SYNE3: variants seen among roughly 807,000 people sequenced by gnomAD.
The protein encoded by SYNE3 is spectrin repeat containing nuclear envelope family member 3.
Under a neutral mutation model 111.2 loss-of-function variants are expected in SYNE3, and 100 were observed. The observed-to-expected ratio is 0.90, with a 90% CI of 0.77 to 1.06. The LOEUF (loss-of-function observed/expected upper bound fraction) is 1.06, where lower values mean the gene tolerates loss of function less well. Among genes scored for constraint, SYNE3 ranks in the 50% least tolerant of loss-of-function variants. The pLI is 0.00. For synonymous variants in SYNE3, 547 were observed against 533.9 expected, an observed-to-expected ratio of 1.02 and a Z score of -0.34; for missense variants, 1,160 against 1,240.3, an observed-to-expected ratio of 0.94 and a Z score of 0.97.
intron 17 of SYNE3, among the ~76,000 whole-genome samples, chr14:95,429,516 C>A (rs1046524869): frequency 2.0e-5 from 3 of 152,148 alleles, no homozygotes; most frequent in Non-Finnish European, 4.4e-5. Context: ...TGGGGTCCAG[C>A]AATCTATGTT....
chr14:95,436,754 C>T (rs774046477), intron 15 of SYNE3, 66 bp downstream of exon 15: 110 of 1,568,526 alleles, frequency 7.0e-5, no homozygotes, highest in Non-Finnish European at 9.3e-5. Flanking sequence ...TTGAAGAACT[C>T]CCTGGTGGCA....
chr14:95,475,969 C>G (rs1428748439), intron 1 of SYNE3, 134 bp from the exon 2 acceptor site: 6 of 857,294 alleles, frequency 7.0e-6, no homozygotes, highest in Non-Finnish European at 9.5e-6. Context: ...GGCAATATGG[C>G]CAGAGGTGAG....
intron 9 of SYNE3, 95 bp from the exon 10 acceptor site, chr14:95,444,723 C>T (rs8007261): frequency 0.092 from 132,247 of 1,435,556 alleles, 6,515 homozygotes; most frequent in Middle Eastern, 0.15. Context: ...CTCTTCGTCT[C>T]GGCCAGCTCA....
chr14:95,481,668 G>C (rs76765687), intron 1 of SYNE3, among the ~76,000 whole-genome samples: 14,007 of 152,266 alleles, frequency 0.092, 1,280 homozygotes, highest in African/African-American at 0.2. Flanking sequence ...CAGGGGGTCA[G>C]CTCTCCTGTG....
Position 95,414,284 on chromosome 14 carries a change from T to A in SYNE3, c.*3542A>T, listed in dbSNP as rs1312270947. The A allele has an allele frequency of 6.6e-6, 1 of 152,142 alleles. No homozygotes were observed. The highest frequency in any genetic ancestry group is 1.5e-5 in the Non-Finnish European group (1 of 68,042). The allele number at this position is 152,142 out of a possible 1,614,324, so 9.4% of individuals were successfully genotyped here. On this transcript the variant is annotated 3_prime_UTR_variant, in exon 18 of 18. Coordinates refer to ENST00000682763, the MANE Select transcript of SYNE3 (RefSeq NM_152592.6). Reference sequence around the variant, plus strand: ...TATATCTTTAAGCCTCAGGGTTCCATCTCAAACATGGGGGTAAAACAGTAT... The same window carrying A: ...TATATCTTTAAGCCTCAGGGTTCCAACTCAAACATGGGGGTAAAACAGTAT...
rs1376158430 is a variant in SYNE3 at position 95,412,625 on chromosome 14, C to T, written c.*5201G>A. On this transcript the variant is annotated 3_prime_UTR_variant, in exon 18 of 18. Coordinates refer to ENST00000682763, the MANE Select transcript of SYNE3 (RefSeq NM_152592.6). ...GGTTTTATTTTTTTAGAGGCCACAG[C>T]TGGCAGGCTCCTGGCCTCCCCTGAA... 2 of 152,212 alleles carry T rather than the reference C, an allele frequency of 1.3e-5. No individual in the cohort carries two copies. Among genetic ancestry groups the T allele is most frequent in the East Asian group, 3.9e-4 (2 of 5,190 alleles). The allele number at this position is 152,212 out of a possible 1,614,324, so 9.4% of individuals were successfully genotyped here.
rs1206558750 is a variant in SYNE3, at chr14:95,425,642, G to C, written c.2727+6437C>G. Among the ~76,000 whole-genome samples the C allele has an allele frequency of 4.6e-5, 7 of 152,166 alleles. No individual in the cohort carries two copies. In the East Asian group the frequency reaches 1.3e-3, roughly 29 times the overall value. The stretch of plus-strand genomic sequence containing the variant: ...AACTGGTTCATCAGCCTTAGCAAAT[G>C]GAGCACACTAATGTAAGATGTTAAT... On this transcript the variant is annotated intron_variant, in intron 17 of 17. Coordinates refer to ENST00000682763, the MANE Select transcript of SYNE3 (RefSeq NM_152592.6).
In SYNE3 at chr14:95,485,088, C is replaced by T. The variant is rs949725064; in HGVS notation, c.-14-9253G>A. Among the ~76,000 whole-genome samples the T allele has an allele frequency of 1.3e-5, 2 of 152,182 alleles. No individual in the cohort carries two copies. The highest frequency in any genetic ancestry group is 3.9e-4 in the East Asian group (2 of 5,184). On this transcript the variant is annotated intron_variant, in intron 1 of 17. Coordinates refer to ENST00000682763, the MANE Select transcript of SYNE3 (RefSeq NM_152592.6). The surrounding 1 kb of genome is among the most constrained non-coding windows in gnomAD (Gnocchi z 4.3). ...GGGCTTGGAGGATGTCTCAGCCTCC[C>T]GTAGATGAGAACAGATGATTCTAAC...
At chr14:95,445,772 G>C in intron 9 of SYNE3, 137 bp downstream of exon 9, 1 of 914,372 alleles carries the variant, frequency 1.1e-6, no homozygotes, top group East Asian at 2.5e-5. Context: ...GATGGTCAGG[G>C]ACAAAGGGAT....
rs139788746 is a variant in SYNE3, at chr14:95,465,588, A to C, written c.627+343T>G. On this transcript the variant is annotated intron_variant, in intron 4 of 17. Coordinates refer to ENST00000682763, the MANE Select transcript of SYNE3 (RefSeq NM_152592.6). ...GGTTGAAGAGATGAATAGCAGATTGATCAGGCTGGTGGGGAAGTAGATGGA... is the reference window on the plus strand; with the variant it reads ...GGTTGAAGAGATGAATAGCAGATTGCTCAGGCTGGTGGGGAAGTAGATGGA... Among the ~76,000 whole-genome samples the C allele has an allele frequency of 4.4e-3, 673 of 152,238 alleles. 7 individuals carry two copies. Among genetic ancestry groups the C allele is most frequent in the South Asian group, 0.016 (76 of 4,818 alleles).
In SYNE3 at chr14:95,432,096, G is replaced by C; in HGVS notation, c.2710C>G (p.Pro904Ala). The stretch of plus-strand genomic sequence containing the variant: ...CACTGTACCTTTTGGAATCCAGTCG[G>C]CTCCCCTGGAGAACTTTGTGTCTGT... ...HLLTQSSPGE[P>A]TGFQKTRRWR... is the part of the protein sequence containing the mutation. Residue 904 changes from proline (P) to alanine (A), a missense_variant, in exon 17 of 18, where the codon CCG becomes GCG. By Grantham distance (27) the Pro-to-Ala change is conservative. Coordinates refer to ENST00000682763, the MANE Select transcript of SYNE3 (RefSeq NM_152592.6). The C allele has an allele frequency of 6.2e-7, 1 of 1,612,682 alleles. No homozygotes were observed. The highest frequency in any genetic ancestry group is 8.5e-7 in the Non-Finnish European group (1 of 1,179,424).
At chr14:95,440,733 C>G (rs1185291112) in intron 11 of SYNE3, among the ~76,000 whole-genome samples, 1 of 152,194 alleles carries the variant, frequency 6.6e-6, no homozygotes, top group Non-Finnish European at 1.5e-5. Flanking sequence ...CAAGCCCAAG[C>G]TATGTTGCGG....
chr14:95,407,482 G>A lies in SYNE3; in HGVS notation c.*10344C>T, dbSNP rs1042586942. ...TGTTCCTCCCTGGATGGCGGGGAAG[G>A]CTCCATTAGCTTTGGACTTGATATG... On this transcript the variant is annotated 3_prime_UTR_variant, in exon 18 of 18. Transcript: ENST00000682763. 6.6e-6 allele frequency: 1 copy of A among 152,002 alleles called. No individual in the cohort carries two copies. The highest frequency in any genetic ancestry group is 2.4e-5 in the African/African-American group (1 of 41,380). 9.4% of individuals were successfully genotyped at this position (152,002 alleles called of 1,614,324 possible). A position where few individuals can be genotyped will look rare whatever the true frequency, so the allele number is the denominator to read the frequency against.
chr14:95,463,933 A>G (rs1888003762), intron 4 of SYNE3, among the ~76,000 whole-genome samples: 1 of 152,250 alleles, frequency 6.6e-6, no homozygotes, highest in Admixed American at 6.5e-5. Context: ...CCAGTTTTCA[A>G]AGAGCTCACA....
chr14:95,472,478 C>T (rs17092469), intron 2 of SYNE3, among the ~76,000 whole-genome samples: 2,020 of 152,336 alleles, frequency 0.013, 48 homozygotes, highest in African/African-American at 0.046. Flanking sequence ...ACTTGGTATG[C>T]TGTGTATCCC....
chr14:95,409,400 G>T lies in SYNE3; in HGVS notation c.*8426C>A. 2 of 456,740 alleles carry T rather than the reference G, an allele frequency of 4.4e-6. No homozygotes were observed. Among genetic ancestry groups the T allele is most frequent in the Non-Finnish European group, 8.8e-6 (2 of 226,952 alleles). The allele number at this position is 456,740 out of a possible 1,614,324, so 28.3% of individuals were successfully genotyped here. A position where few individuals can be genotyped will look rare whatever the true frequency, so the allele number is the denominator to read the frequency against. ...TAGGACTTTGTCCCTCATCTCCACAGAGGTGCTGGGGATGGGCTGGCCTGG... is the reference window on the plus strand; with the variant it reads ...TAGGACTTTGTCCCTCATCTCCACATAGGTGCTGGGGATGGGCTGGCCTGG... On this transcript the variant is annotated 3_prime_UTR_variant, in exon 18 of 18. Coordinates refer to ENST00000682763, the MANE Select transcript of SYNE3 (RefSeq NM_152592.6).
intron 17 of SYNE3, among the ~76,000 whole-genome samples, chr14:95,422,274 C>T (rs1481671847): frequency 6.6e-6 from 1 of 152,020 alleles, no homozygotes; most frequent in African/African-American, 2.4e-5. Context: ...CTCACTAACT[C>T]AGGACCAAAG....
At chr14:95,489,756 T>TC (rs936454160) in intron 1 of SYNE3, among the ~76,000 whole-genome samples, 4 of 152,034 alleles carry the variant, frequency 2.6e-5, no homozygotes, top group Non-Finnish European at 5.9e-5. Flanking sequence ...GCTTATTTTT[T>TC]TTTGAAAAGA....
At position 95,428,526 on chromosome 14, in the gene SYNE3, T is replaced by A. The variant is rs570989731; in HGVS notation, c.2727+3553A>T. Among the ~76,000 whole-genome samples, 5 of 152,334 alleles carry A rather than the reference T, an allele frequency of 3.3e-5. No individual in the cohort carries two copies. The East Asian group carries it at 9.6e-4, about 29-fold the overall frequency. The stretch of plus-strand genomic sequence containing the variant: ...GGTCTATATTCCAAGAGCCCACATA[T>A]GAAATGGATGGGAGATGCCTGCTCT... On this transcript the variant is annotated intron_variant, in intron 17 of 17. Coordinates refer to ENST00000682763, the MANE Select transcript of SYNE3 (RefSeq NM_152592.6).
Sources: allele counts gnomAD v4.1 joint callset (sites outside exome capture counted in the v4.1 genomes callset), GRCh38; gene constraint gnomAD v4.1.1; non-coding constraint Gnocchi (gnomAD v3.1); transcripts MANE v1.5; gene names NCBI Gene and HGNC (gene_info 2026-07-23, HGNC 2026-07-21).